The following NOX5 variants were observed in gnomAD, a reference collection of about 807,000 sequenced individuals.
NOX5 encodes NADPH oxidase 5, also known as NADPH oxidase, EF-hand calcium binding domain 5.
Under a neutral mutation model 85.7 loss-of-function variants are expected in NOX5, and 76 were observed. The ratio of observed to expected loss-of-function variants is 0.89; its 90% confidence interval spans 0.74 to 1.07. NOX5 has a LOEUF of 1.07. NOX5 is among the 50% of genes least tolerant of loss of function. The pLI, the probability that NOX5 is intolerant of heterozygous loss-of-function variation, is 0.00. For synonymous variants in NOX5, 405 were observed against 401.4 expected, an observed-to-expected ratio of 1.01 and a Z score of -0.11; for missense variants, 973 against 999.5, an observed-to-expected ratio of 0.97 and a Z score of 0.36.
chr15:69,055,515 A>T lies in NOX5; in HGVS notation c.2166+15A>T, dbSNP rs371497415. On this transcript the variant is annotated intron_variant, in intron 15 of 15. Transcript: ENST00000388866. Reference sequence around the variant, plus strand: ...ACTGGAGCAAGGTAATGCCAACTGGAGCCCTGCAGCTTGCAGGTATGGATG... The same window carrying T: ...ACTGGAGCAAGGTAATGCCAACTGGTGCCCTGCAGCTTGCAGGTATGGATG... The T allele has an allele frequency of 2.8e-5, 45 of 1,611,374 alleles. No homozygotes were observed. In the South Asian group the frequency reaches 4.4e-4, roughly 16 times the overall value.
chr15:69,037,447 G>C, intron 8 of NOX5: 1 of 531,582 alleles, frequency 1.9e-6, no homozygotes. Flanking sequence ...CGATTTTGGG[G>C]AGAACAGTCT....
chr15:69,020,099 G>A (rs762186670), intron 1 of NOX5, among the ~76,000 whole-genome samples: 8 of 152,066 alleles, frequency 5.3e-5, no homozygotes, highest in Non-Finnish European at 1.0e-4. Flanking sequence ...CAAACCTATA[G>A]GACTTCTATG....
In NOX5 at chr15:69,033,247, G is replaced by C; in HGVS notation, c.825G>C (p.Gln275His). 1 of 1,596,450 alleles carries C rather than the reference G, an allele frequency of 6.3e-7. No homozygotes were observed. Among genetic ancestry groups the C allele is most frequent in the Non-Finnish European group, 8.5e-7 (1 of 1,178,934 alleles). ...ASVMVAKGCG[Q>H]CLNFDCSFIA... ...TCATGGTGGCCAAGGGCTGCGGCCA[G>C]TGCCTCAACTTCGACTGCAGCTTCA... Residue 275 changes from glutamine to histidine, a missense_variant, in exon 5 of 16, where the codon CAG becomes CAC. Physicochemically the swap from Gln to His is conservative, Grantham distance 24. Coordinates refer to ENST00000388866, the MANE Select transcript of NOX5 (RefSeq NM_024505.4).
At chr15:69,052,347 T>A (rs2050759776) in intron 14 of NOX5, among the ~76,000 whole-genome samples, 1 of 152,234 alleles carries the variant, frequency 6.6e-6, no homozygotes, top group African/African-American at 2.4e-5. Flanking sequence ...TTGTTAAGTA[T>A]GATAAAATAT....
chr15:69,047,515 A>G lies in NOX5; in HGVS notation c.1795A>G (p.Ile599Val), dbSNP rs1308334066. 5.0e-6 allele frequency: 8 copies of G among 1,613,666 alleles called. No individual in the cohort carries two copies. Among genetic ancestry groups the G allele is most frequent in the South Asian group, 2.2e-5 (2 of 91,066 alleles). The change falls in exon 12 of 16, where the codon ATT becomes GTT. Residue 599 changes from isoleucine to valine, a missense_variant. By Grantham distance (29) the Ile-to-Val change is conservative. Coordinates refer to ENST00000388866, the MANE Select transcript of NOX5 (RefSeq NM_024505.4). Reference sequence around the variant, plus strand: ...CATCGGCATCACCCCCTTTGCTTCCATTCTGCAGAGTATCATGTACAGGTG... The same window carrying G: ...CATCGGCATCACCCCCTTTGCTTCCGTTCTGCAGAGTATCATGTACAGGTG... ...AGIGITPFAS[I>V]LQSIMYRHQK...
At chr15:69,028,121 C>A (rs1295050566) in intron 2 of NOX5, 94 bp from the exon 3 acceptor site, 12 of 1,379,394 alleles carry the variant, frequency 8.7e-6, no homozygotes, top group East Asian at 2.4e-5. Context: ...TGCACCCCCC[C>A]ACCACCACCC....
rs1410173129 is a variant in NOX5 at position 69,028,307 on chromosome 15, C to T, written c.267C>T (p.Leu89=). 6.2e-6 allele frequency: 10 copies of T among 1,613,546 alleles called. No individual in the cohort carries two copies. The highest frequency in any genetic ancestry group is 1.7e-5 in the Admixed American group (1 of 59,932). ...LQELQEALTL[L]IHGSPMDKLK... Reference sequence around the variant, plus strand: ...AGCTGCAGGAGGCACTGACCCTGCTCATCCATGGCAGCCCCATGGACAAAC... The same window carrying T: ...AGCTGCAGGAGGCACTGACCCTGCTTATCCATGGCAGCCCCATGGACAAAC... The change falls in exon 3 of 16, where the codon CTC becomes CTT. Residue 89 remains leucine, a synonymous_variant. Coordinates refer to ENST00000388866, the MANE Select transcript of NOX5 (RefSeq NM_024505.4).
chr15:69,025,721 C>T lies in NOX5; in HGVS notation c.51-807C>T, dbSNP rs117412949. ...GGCCATTCTCCCAGGGAGTCATTTACAGCAACAAGAATCTGTAACTCCTCA... is the reference window on the plus strand; with the variant it reads ...GGCCATTCTCCCAGGGAGTCATTTATAGCAACAAGAATCTGTAACTCCTCA... On this transcript the variant is annotated intron_variant, in intron 1 of 15. Transcript: ENST00000388866. Among the ~76,000 whole-genome samples, 75 of 152,324 alleles carry T rather than the reference C, an allele frequency of 4.9e-4. No individual in the cohort carries two copies. In the East Asian group the frequency reaches 0.014, roughly 29 times the overall value.
At position 69,062,488 on chromosome 15, in the gene NOX5, A is replaced by C. The variant is rs900248468; in HGVS notation, c.*5792A>C. 6.6e-6 allele frequency: 1 copy of C among 152,154 alleles called. No homozygotes were observed. Among genetic ancestry groups the C allele is most frequent in the African/African-American group, 2.4e-5 (1 of 41,426 alleles). 9.4% of individuals were successfully genotyped at this position (152,154 alleles called of 1,614,324 possible). A position where few individuals can be genotyped will look rare whatever the true frequency, so the allele number is the denominator to read the frequency against. On this transcript the variant is annotated 3_prime_UTR_variant, in exon 16 of 16. Coordinates refer to ENST00000388866, the MANE Select transcript of NOX5 (RefSeq NM_024505.4). ...CTAGATGAAGATCTGCTACCATTAC[A>C]GCCAGTATTACCTGGCCCTTGCCTA... is the stretch of plus-strand genomic sequence containing the variant.
chr15:69,019,198 G>A (rs761212772), intron 1 of NOX5, among the ~76,000 whole-genome samples: 2 of 152,132 alleles, frequency 1.3e-5, no homozygotes, highest in Non-Finnish European at 2.9e-5. Flanking sequence ...CGGCAGTAAC[G>A]AGGTACTCCC....
intron 5 of NOX5, among the ~76,000 whole-genome samples, chr15:69,034,705 T>A (rs959379176): frequency 6.6e-6 from 1 of 152,210 alleles, no homozygotes; most frequent in Non-Finnish European, 1.5e-5. Context: ...CCATCTGACA[T>A]ATGGACTAAA....
rs755378663 is a variant in NOX5, at chr15:69,031,806, C to T, written c.614C>T (p.Thr205Ile). Residue 205 changes from threonine (T) to isoleucine (I), a missense_variant, in exon 4 of 16, where the codon ACC becomes ATC. Transcript: ENST00000388866. Reference sequence around the variant, plus strand: ...TTCCCCGGAGTCATGGAGAACCTGACCATCAGGTACGGCCGGGTCTCGGGC... The same window carrying T: ...TTCCCCGGAGTCATGGAGAACCTGATCATCAGGTACGGCCGGGTCTCGGGC... ...QRFPGVMENL[T>I]ISAAHWLTAP... is the part of the protein sequence containing the mutation. The T allele has an allele frequency of 6.3e-7, 1 of 1,595,310 alleles. No individual in the cohort carries two copies. Among genetic ancestry groups the T allele is most frequent in the Non-Finnish European group, 8.6e-7 (1 of 1,166,318 alleles).
rs72754307 is a variant in NOX5, at chr15:69,053,088, G to A, written c.2000-2246G>A. Among the ~76,000 whole-genome samples, 596 of 152,222 alleles carry A rather than the reference G, an allele frequency of 3.9e-3. 2 individuals carry two copies. Among genetic ancestry groups the A allele is most frequent in the Non-Finnish European group, 5.8e-3 (393 of 68,016 alleles). ...TCATTAACTGCAGCTGAAACTTGTG[G>A]CTTCTGATTTCAACTTTAATTATAC... is the stretch of plus-strand genomic sequence containing the variant. On this transcript the variant is annotated intron_variant, in intron 14 of 15. Coordinates refer to ENST00000388866, the MANE Select transcript of NOX5 (RefSeq NM_024505.4).
intron 1 of NOX5, chr15:69,023,033 A>G: frequency 2.1e-6 from 1 of 475,972 alleles, no homozygotes; most frequent in Non-Finnish European, 4.2e-6. Flanking sequence ...GGCCTGCTTA[A>G]GAGGGCTTGG....
chr15:69,040,551 C>T (rs1001650289), intron 9 of NOX5, among the ~76,000 whole-genome samples: 1 of 152,166 alleles, frequency 6.6e-6, no homozygotes, highest in Non-Finnish European at 1.5e-5. Context: ...AGTGAATATA[C>T]AGCTTTTCCT....
intron 8 of NOX5, among the ~76,000 whole-genome samples, chr15:69,038,626 G>A (rs920335747): frequency 1.3e-5 from 2 of 152,086 alleles, no homozygotes; most frequent in South Asian, 2.1e-4. Flanking sequence ...AAAACCAGGG[G>A]CCCCAATTCA....
At chr15:69,044,693 A>G (rs2050640435) in intron 10 of NOX5, among the ~76,000 whole-genome samples, 1 of 152,236 alleles carries the variant, frequency 6.6e-6, no homozygotes, top group Non-Finnish European at 1.5e-5. Context: ...AGTGTTGTGT[A>G]TGTCTGTGTT....
intron 9 of NOX5, 125 bp from the exon 10 acceptor site, chr15:69,042,538 A>T: frequency 1.0e-6 from 1 of 987,644 alleles, no homozygotes; most frequent in East Asian, 2.5e-5. Context: ...GGTCCTGAGG[A>T]AGGACATTCA....
chr15:69,015,753 C>T (rs2050223961), intron 1 of NOX5, among the ~76,000 whole-genome samples: 1 of 152,174 alleles, frequency 6.6e-6, no homozygotes. Context: ...GCCTTGAAAC[C>T]ACCAAAGGGT....
Sources: allele counts gnomAD v4.1 joint callset (sites outside exome capture counted in the v4.1 genomes callset), GRCh38; gene constraint gnomAD v4.1.1; transcripts MANE v1.5; gene names NCBI Gene and HGNC (gene_info 2026-07-23, HGNC 2026-07-21).